HDAC4: variants seen among roughly 807,000 people sequenced by gnomAD.
The protein encoded by HDAC4 is histone deacetylase A.
Under a neutral mutation model 135.1 loss-of-function variants are expected in HDAC4, and 16 were observed. The ratio of observed to expected loss-of-function variants is 0.12; its 90% CI spans 0.08 to 0.18. HDAC4 has a LOEUF of 0.18. Among genes scored for constraint, HDAC4 ranks in the 10% least tolerant of loss-of-function variants. The pLI, the probability that HDAC4 is intolerant of heterozygous loss-of-function variation, is 1.00. For synonymous variants in HDAC4, 685 were observed against 653.4 expected (o/e 1.05, Z -0.74); for missense variants, 1,143 against 1,511.8 (o/e 0.76, Z 4.05).
At chr2:239,223,498 A>G (rs1000822774) in intron 3 of HDAC4, among the ~76,000 whole-genome samples, 2 of 152,294 alleles carry the variant, frequency 1.3e-5, no homozygotes, top group Non-Finnish European at 2.9e-5. Flanking sequence ...CAGAAAAATC[A>G]CCTGGGCAGC....
intron 2 of HDAC4, among the ~76,000 whole-genome samples, chr2:239,348,445 C>G (rs1053672102): frequency 5.3e-5 from 8 of 152,232 alleles, no homozygotes; most frequent in Non-Finnish European, 1.0e-4. Context: ...GTCTGCCTTT[C>G]CTGCTGGCCA....
Position 239,299,530 on chromosome 2 carries a change from A to G in HDAC4, c.22+53148T>C. Among the ~76,000 whole-genome samples the G allele has an allele frequency of 9.3e-6, 1 of 107,102 alleles. No individual in the cohort carries two copies. Among genetic ancestry groups the G allele is most frequent in the East Asian group, 7.7e-4 (1 of 1,298 alleles). 70.3% of individuals were successfully genotyped at this position (107,102 alleles called of 152,430 possible). ...CGAGTGGTGTTTATTACAGCTGTAC[A>G]ACTGTACAACGGGAGGGCAGCGACA... On this transcript the variant is annotated intron_variant, in intron 2 of 26. Coordinates refer to ENST00000543185, the MANE Select transcript of HDAC4 (RefSeq NM_001378414.1). This position sits in a 1 kb window ranked among gnomAD's most constrained non-coding sequence, Gnocchi z 4.0.
intron 2 of HDAC4, among the ~76,000 whole-genome samples, chr2:239,318,340 C>T (rs1183691983): frequency 6.6e-6 from 1 of 152,216 alleles, no homozygotes; most frequent in Non-Finnish European, 1.5e-5. Context: ...AAATCCCAAG[C>T]TGAAAAACAT....
At chr2:239,326,459 G>A (rs566349376) in intron 2 of HDAC4, among the ~76,000 whole-genome samples, 221 of 152,206 alleles carry the variant, frequency 1.5e-3, no homozygotes, top group African/African-American at 5.1e-3. Context: ...CCAACAATGG[G>A]AAAATATTTA....
intron 3 of HDAC4, among the ~76,000 whole-genome samples, chr2:239,223,708 C>T (rs183990668): frequency 6.6e-6 from 1 of 152,210 alleles, no homozygotes; most frequent in East Asian, 1.9e-4. Context: ...CCACTTTGAG[C>T]AGGACCTTGC....
chr2:239,075,150 G>A (rs757545312), intron 22 of HDAC4, among the ~76,000 whole-genome samples: 108 of 150,320 alleles, frequency 7.2e-4, no homozygotes, highest in Middle Eastern at 3.4e-3. Context: ...CATGAACCTG[G>A]GAGGAGGAGC....
intron 2 of HDAC4, among the ~76,000 whole-genome samples, chr2:239,346,990 CT>C (rs1440506432): frequency 2.2e-5 from 2 of 90,956 alleles, no homozygotes; most frequent in African/African-American, 6.1e-5. Context: ...CACACACACC[CT>C]GTCTAAAACA....
At chr2:239,077,441 C>T (rs2034876865) in intron 22 of HDAC4, among the ~76,000 whole-genome samples, 1 of 152,272 alleles carries the variant, frequency 6.6e-6, no homozygotes, top group Admixed American at 6.5e-5. Flanking sequence ...CCCCGCTATC[C>T]TCCAGGGCAG....
Position 239,126,837 on chromosome 2 carries a change from C to T in HDAC4, c.1295-143G>A, listed in dbSNP as rs570922823. The T allele has an allele frequency of 2.6e-5, 23 of 883,360 alleles. No individual in the cohort carries two copies. In the East Asian group the frequency reaches 2.9e-4, roughly 11 times the overall value. 54.7% of individuals were successfully genotyped at this position (883,360 alleles called of 1,614,324 possible). ...CTGCCCTGGTGCCCCAGAGCTGGCT[C>T]GCTAACTGGGCCCCTTCCAGCTGAG... is the stretch of plus-strand genomic sequence containing the variant. On this transcript the variant is annotated intron_variant, in intron 11 of 26. Transcript: ENST00000543185.
intron 2 of HDAC4, among the ~76,000 whole-genome samples, chr2:239,281,820 T>TA (rs1386831192): frequency 7.6e-6 from 1 of 130,974 alleles, no homozygotes; most frequent in Middle Eastern, 6.5e-3. Context: ...CACACCACTC[T>TA]CAATGTACAC....
intron 2 of HDAC4, among the ~76,000 whole-genome samples, chr2:239,346,164 ACTGT>A (rs935725938): frequency 5.3e-5 from 8 of 151,428 alleles, no homozygotes; most frequent in African/African-American, 1.2e-4. Context: ...CCCAACACAC[ACTGT>A]CTAAAACACA....
At chr2:239,334,848 C>T (rs186116936) in intron 2 of HDAC4, among the ~76,000 whole-genome samples, 332 of 151,928 alleles carry the variant, frequency 2.2e-3, no homozygotes, top group African/African-American at 7.8e-3. Flanking sequence ...CGGTGAAACA[C>T]CCCCCTCTAC....
intron 3 of HDAC4, among the ~76,000 whole-genome samples, chr2:239,193,061 C>G (rs1479327455): frequency 6.6e-6 from 1 of 152,194 alleles, no homozygotes; most frequent in African/African-American, 2.4e-5. Context: ...AGTAACTGCA[C>G]AGCGTTGCAT....
At chr2:239,260,460 T>G (rs1480309756) in intron 2 of HDAC4, among the ~76,000 whole-genome samples, 2 of 152,204 alleles carry the variant, frequency 1.3e-5, no homozygotes, top group East Asian at 3.9e-4. Flanking sequence ...GTCTGTTTAT[T>G]GTCCAATAAA....
rs566004689 is a variant in HDAC4 at position 239,067,088 on chromosome 2, T to C, written c.2870-233A>G. 107 of 608,466 alleles carry C rather than the reference T, an allele frequency of 1.8e-4. 1 individual carries two copies. In the East Asian group the frequency reaches 3.1e-3, roughly 17 times the overall value. The allele number at this position is 608,466 out of a possible 1,614,324, so 37.7% of individuals were successfully genotyped here. On this transcript the variant is annotated intron_variant, in intron 23 of 26. Transcript: ENST00000543185. ...AATGCTTTGATTTTTAATCAGCAAA[T>C]CATCTGCTTTAGGGGACGAGGGCAG...
At chr2:239,271,716 T>A (rs543448261) in intron 2 of HDAC4, among the ~76,000 whole-genome samples, 1 of 152,194 alleles carries the variant, frequency 6.6e-6, no homozygotes, top group Non-Finnish European at 1.5e-5. Context: ...CGAAGACAGG[T>A]TGCCCTTCAT....
chr2:239,071,124 C>T (rs938106811), intron 22 of HDAC4, among the ~76,000 whole-genome samples: 30 of 151,796 alleles, frequency 2.0e-4, no homozygotes, highest in South Asian at 4.2e-4. Context: ...TTGGTGGCGG[C>T]GGAGGGAGGG....
intron 22 of HDAC4, among the ~76,000 whole-genome samples, chr2:239,075,834 G>A (rs2034693517): frequency 1.3e-5 from 2 of 151,934 alleles, no homozygotes; most frequent in African/African-American, 4.8e-5. Flanking sequence ...CAGCAGACAG[G>A]TGCCAGCCAC....
chr2:239,084,818 T>G (rs1559394949), intron 19 of HDAC4, among the ~76,000 whole-genome samples: 1 of 136,230 alleles, frequency 7.3e-6, no homozygotes, highest in Non-Finnish European at 1.6e-5. Flanking sequence ...ACCCCACAGA[T>G]AGAGACACAC....
Sources: allele counts gnomAD v4.1 joint callset (sites outside exome capture counted in the v4.1 genomes callset), GRCh38; gene constraint gnomAD v4.1.1; non-coding constraint Gnocchi (gnomAD v3.1); transcripts MANE v1.5; gene names NCBI Gene and HGNC (gene_info 2026-07-23, HGNC 2026-07-21).